Variants in PDE4D observed in about 807,000 individuals in gnomAD.
PDE4D encodes the protein phosphodiesterase 4D, also known as 3',5'-cyclic-AMP phosphodiesterase 4D.
PDE4D carries 24 observed loss-of-function variants against 87.4 expected under a neutral mutation model. The ratio of observed to expected loss-of-function variants is 0.27; its 90% CI spans 0.20 to 0.39. PDE4D has a LOEUF of 0.39. PDE4D is among the 10% of genes least tolerant of loss of function. PDE4D has a pLI of 1.00. For missense variants in PDE4D, 714 were observed against 1,041.0 expected (o/e 0.69, Z 4.32); for synonymous variants, 384 against 383.2 (o/e 1.00, Z -0.02).
chr5:59,542,439 T>A (rs1037103671), intron 1 of PDE4D, among the ~76,000 whole-genome samples: 1 of 152,214 alleles, frequency 6.6e-6, no homozygotes, highest in African/African-American at 2.4e-5. Flanking sequence ...AATTCTCATA[T>A]GCTGTGAGGA....
chr5:59,218,627 T>C (rs1751793366), intron 1 of PDE4D, among the ~76,000 whole-genome samples: 1 of 152,140 alleles, frequency 6.6e-6, no homozygotes, highest in South Asian at 2.1e-4. Flanking sequence ...ATGGAGATCA[T>C]TTTCTTAAAC....
chr5:59,160,593 C>T (rs181812973), intron 5 of PDE4D, among the ~76,000 whole-genome samples: 261 of 152,230 alleles, frequency 1.7e-3, no homozygotes, highest in Admixed American at 4.4e-3. Flanking sequence ...ATCCTCTGGC[C>T]TTGACCTGCT....
At chr5:60,467,732 C>G (rs1747471742) in intron 1 of PDE4D, among the ~76,000 whole-genome samples, 1 of 152,126 alleles carries the variant, frequency 6.6e-6, no homozygotes, top group South Asian at 2.1e-4. Flanking sequence ...TAACAGGAAG[C>G]ATGACTTGGG....
intron 1 of PDE4D, among the ~76,000 whole-genome samples, chr5:59,833,671 C>T (rs1036676762): frequency 2.4e-4 from 36 of 151,682 alleles, no homozygotes; most frequent in African/African-American, 8.5e-4. Context: ...TTCCATTGGT[C>T]GGTCAGGGTG....
At chr5:60,279,731 C>A (rs1751711572) in intron 1 of PDE4D, among the ~76,000 whole-genome samples, 1 of 147,744 alleles carries the variant, frequency 6.8e-6, no homozygotes, top group African/African-American at 2.5e-5. Flanking sequence ...ATCCCCTGGG[C>A]TGGAGTGTAA....
chr5:59,321,880 A>G (rs1774792686), intron 1 of PDE4D, among the ~76,000 whole-genome samples: 1 of 152,164 alleles, frequency 6.6e-6, no homozygotes, highest in Admixed American at 6.6e-5. Context: ...GTGCACACAC[A>G]CTATAAGGTC....
rs577782763 is a variant in PDE4D, at chr5:59,241,853, C to T, written c.456-25885G>A. ...AATGACTAAAATATCTAGCAGCCAG[C>T]AAGTTCAGATACACTGATCTTTAGG... On this transcript the variant is annotated intron_variant, in intron 1 of 14. Transcript: ENST00000340635. 7.6e-4 allele frequency among the ~76,000 whole-genome samples: 115 copies of T among 152,162 alleles called. 1 individual carries two copies. The highest frequency in any genetic ancestry group is 2.7e-3 in the African/African-American group (113 of 41,520).
intron 1 of PDE4D, among the ~76,000 whole-genome samples, chr5:59,856,408 T>C (rs1745446848): frequency 6.6e-6 from 1 of 152,194 alleles, no homozygotes; most frequent in African/African-American, 2.4e-5. Flanking sequence ...TGTAGGTGCA[T>C]GTTTCTCTCA....
intron 1 of PDE4D, among the ~76,000 whole-genome samples, chr5:59,649,820 T>G (rs1743070195): frequency 6.7e-6 from 1 of 149,626 alleles, no homozygotes; most frequent in African/African-American, 2.5e-5. Flanking sequence ...ACAGTTCCAT[T>G]CTACATAAAA....
intron 1 of PDE4D, among the ~76,000 whole-genome samples, chr5:60,394,866 G>A (rs1762783700): frequency 6.6e-6 from 1 of 152,146 alleles, no homozygotes; most frequent in African/African-American, 2.4e-5. Context: ...CCTCTCATCT[G>A]GGGTTTTCCA....
chr5:59,566,891 G>T (rs969315024), intron 1 of PDE4D, among the ~76,000 whole-genome samples: 21 of 151,766 alleles, frequency 1.4e-4, no homozygotes, highest in Admixed American at 4.6e-4. Context: ...AAAAAAACAT[G>T]TTTGCTTGTG....
At chr5:60,131,920 G>T (rs547590268) in intron 2 of PDE4D, among the ~76,000 whole-genome samples, 2 of 152,120 alleles carry the variant, frequency 1.3e-5, no homozygotes, top group East Asian at 1.9e-4. Context: ...TTCTTCTTGG[G>T]TGTAGCTCCC....
At chr5:60,206,231 T>TA (rs1742505787) in intron 1 of PDE4D, among the ~76,000 whole-genome samples, 1 of 152,180 alleles carries the variant, frequency 6.6e-6, no homozygotes, top group Non-Finnish European at 1.5e-5. Flanking sequence ...AATCTGATGT[T>TA]AAAAAATGCT....
chr5:59,964,202 A>G (rs1458655281), intron 3 of PDE4D, among the ~76,000 whole-genome samples: 1 of 152,186 alleles, frequency 6.6e-6, no homozygotes, highest in Non-Finnish European at 1.5e-5. Flanking sequence ...TCTGCCTGCT[A>G]TGTTCTGACC....
At position 59,279,010 on chromosome 5, in the gene PDE4D, G is replaced by C. The variant is rs146149358; in HGVS notation, c.456-63042C>G. Among the ~76,000 whole-genome samples the C allele has an allele frequency of 2.1e-3, 325 of 152,132 alleles. 4 individuals are homozygous for C. Among genetic ancestry groups the C allele is most frequent in the African/African-American group, 7.5e-3 (310 of 41,522 alleles). On this transcript the variant is annotated intron_variant, in intron 1 of 14. Coordinates refer to ENST00000340635, the MANE Select transcript of PDE4D (RefSeq NM_001104631.2). ...TGAAGCCAACTGAATGAGGTGTTAC[G>C]GAGTAATTTTACTATACAACTCAGG...
In PDE4D at chr5:60,038,160, T is replaced by G. The variant is rs527853628; in HGVS notation, c.43-49443A>C. 2.6e-5 allele frequency among the ~76,000 whole-genome samples: 4 copies of G among 152,330 alleles called. 1 individual carries two copies. The South Asian group carries it at 8.3e-4, about 32-fold the overall frequency. On this transcript the variant is annotated intron_variant, in intron 2 of 16. Coordinates refer to the PDE4D transcript ENST00000502484. The stretch of plus-strand genomic sequence containing the variant: ...CCTATTTGTCAATTTTGGCTTTGGT[T>G]GCCATTGCTTTTGGTGTTTTAGACA...
intron 3 of PDE4D, among the ~76,000 whole-genome samples, chr5:59,915,701 G>A (rs1753962651): frequency 6.6e-6 from 1 of 152,130 alleles, no homozygotes; most frequent in African/African-American, 2.4e-5. Context: ...ATTGCATTAT[G>A]TCAGGATTGT....
chr5:59,767,497 AG>A (rs1762949170), intron 1 of PDE4D, among the ~76,000 whole-genome samples: 1 of 151,706 alleles, frequency 6.6e-6, no homozygotes, highest in Non-Finnish European at 1.5e-5. Flanking sequence ...TTCCAAGAGC[AG>A]GAAAAGATGA....
intron 1 of PDE4D, among the ~76,000 whole-genome samples, chr5:59,707,921 C>T (rs902967695): frequency 2.0e-5 from 3 of 152,080 alleles, no homozygotes; most frequent in African/African-American, 7.2e-5. Context: ...ATGAACATAC[C>T]TGTGTATGTA....
Sources: allele counts gnomAD v4.1 joint callset (sites outside exome capture counted in the v4.1 genomes callset), GRCh38; gene constraint gnomAD v4.1.1; transcripts MANE v1.5; gene names NCBI Gene and HGNC (gene_info 2026-07-23, HGNC 2026-07-21).